AGFG1: variants seen among roughly 807,000 people sequenced by gnomAD.
The protein encoded by AGFG1 is ArfGAP with FG repeats 1, also known as arf-GAP domain and FG repeat-containing protein 1.
Under a neutral mutation model 60.6 loss-of-function variants are expected in AGFG1, and 10 were observed. The ratio of observed to expected loss-of-function variants is 0.16; its 90% CI spans 0.10 to 0.28. The LOEUF (loss-of-function observed/expected upper bound fraction) is 0.28, where lower values mean the gene tolerates loss of function less well. Ranked by LOEUF, AGFG1 falls within the 10% of genes least tolerant of loss-of-function variation. The pLI is 1.00. For missense variants in AGFG1, 537 were observed against 676.5 expected (o/e 0.79, Z 2.29); for synonymous variants, 247 against 242.9 (o/e 1.02, Z -0.16).
intron 6 of AGFG1, 68 bp downstream of exon 6, chr2:227,531,278 G>A: frequency 6.5e-7 from 1 of 1,535,340 alleles, no homozygotes. Context: ...ATGTAGTTTT[G>A]AAAAATTAGT....
intron 1 of AGFG1, among the ~76,000 whole-genome samples, chr2:227,482,105 T>C (rs1690488479): frequency 6.6e-6 from 1 of 152,154 alleles, no homozygotes; most frequent in Non-Finnish European, 1.5e-5. Context: ...GACCTCGTGA[T>C]CTGCCCGCTT....
chr2:227,513,562 AGT>A (rs1217574413), intron 2 of AGFG1, among the ~76,000 whole-genome samples: 1 of 152,172 alleles, frequency 6.6e-6, no homozygotes, highest in African/African-American at 2.4e-5. Context: ...GCCAATGGGT[AGT>A]GATATGCCCT....
intron 2 of AGFG1, among the ~76,000 whole-genome samples, chr2:227,514,150 C>T (rs546311294): frequency 6.6e-6 from 1 of 152,308 alleles, no homozygotes; most frequent in African/African-American, 2.4e-5. Context: ...TATTTCATCA[C>T]TCCATAGCCC....
intron 2 of AGFG1, among the ~76,000 whole-genome samples, chr2:227,497,986 C>T (rs1425940831): frequency 1.3e-5 from 2 of 151,896 alleles, no homozygotes; most frequent in South Asian, 2.1e-4. Flanking sequence ...CTTGGGGAAA[C>T]CACTTTTCCC....
chr2:227,473,501 T>C (rs932662887), intron 1 of AGFG1, among the ~76,000 whole-genome samples: 3 of 152,202 alleles, frequency 2.0e-5, no homozygotes, highest in African/African-American at 7.2e-5. Flanking sequence ...AGAAAGACAC[T>C]ACCGTCCTGA....
At chr2:227,529,071 CT>C (rs1692083086) in intron 5 of AGFG1, among the ~76,000 whole-genome samples, 1 of 151,842 alleles carries the variant, frequency 6.6e-6, no homozygotes, top group African/African-American at 2.4e-5. Context: ...CTTTATTTGA[CT>C]TTTGGTTTCA....
intron 2 of AGFG1, among the ~76,000 whole-genome samples, chr2:227,515,721 T>C (rs1389503502): frequency 6.6e-6 from 1 of 152,170 alleles, no homozygotes; most frequent in Non-Finnish European, 1.5e-5. Flanking sequence ...AAGTCTTCAG[T>C]GCTTCCTAGT....
At chr2:227,532,684 A>G (rs1363115244) in intron 6 of AGFG1, among the ~76,000 whole-genome samples, 1 of 152,156 alleles carries the variant, frequency 6.6e-6, no homozygotes, top group Non-Finnish European at 1.5e-5. Flanking sequence ...ACTTTAATAT[A>G]TAACTGTGTA....
At chr2:227,527,135 G>A (rs1333459315) in intron 5 of AGFG1, among the ~76,000 whole-genome samples, 2 of 152,252 alleles carry the variant, frequency 1.3e-5, no homozygotes, top group East Asian at 3.9e-4. Flanking sequence ...AAGAACCTGG[G>A]CTTTGGAGTT....
chr2:227,494,542 A>G (rs1170528339), intron 2 of AGFG1, among the ~76,000 whole-genome samples: 1 of 152,200 alleles, frequency 6.6e-6, no homozygotes, highest in Non-Finnish European at 1.5e-5. Context: ...GATCCCCACC[A>G]GGGAGTTTTA....
At chr2:227,552,211 AATACT>A in intron 11 of AGFG1, 94 bp downstream of exon 11, 1 of 1,424,846 alleles carries the variant, frequency 7.0e-7, no homozygotes, top group Non-Finnish European at 9.6e-7. Context: ...TTTTCTAAAG[AATACT>A]ATAGTATTAT....
At position 227,506,990 on chromosome 2, in the gene AGFG1, T is replaced by C. The variant is rs147699480; in HGVS notation, c.262-12958T>C. 6.0e-3 allele frequency among the ~76,000 whole-genome samples: 912 copies of C among 152,210 alleles called. 4 individuals are homozygous for C. The highest frequency in any genetic ancestry group is 9.1e-3 in the Non-Finnish European group (619 of 67,996). ...CCACTATTTCATAGGTTGTGTGGTG[T>C]TTTTTTAATCAAAAACCACTTTAAA... On this transcript the variant is annotated intron_variant, in intron 2 of 12. Transcript: ENST00000310078.
At chr2:227,545,391 C>T (rs568273610) in intron 10 of AGFG1, among the ~76,000 whole-genome samples, 3 of 152,316 alleles carry the variant, frequency 2.0e-5, no homozygotes, top group Non-Finnish European at 2.9e-5. Flanking sequence ...AGCTTCCTTG[C>T]GATAGGTTTG....
intron 10 of AGFG1, among the ~76,000 whole-genome samples, chr2:227,546,976 C>A (rs1226717148): frequency 1.3e-5 from 2 of 152,082 alleles, no homozygotes; most frequent in Admixed American, 1.3e-4. Context: ...AGGTGGAAAC[C>A]AATTTGCTAA....
chr2:227,473,095 G>C (rs1575053308), intron 1 of AGFG1, among the ~76,000 whole-genome samples: 2 of 148,064 alleles, frequency 1.4e-5, no homozygotes, highest in East Asian at 4.0e-4. Flanking sequence ...TCGGGGAGAA[G>C]CTGGGGTGGG....
In AGFG1 at chr2:227,559,541, T is replaced by C. The variant is rs1197069986; in HGVS notation, c.*5046T>C. Reference sequence around the variant, plus strand: ...TTGTCCAACACAGGGCTGTAGGGACTGATGAAAAGAGAATGTTGTGATTTG... The same window carrying C: ...TTGTCCAACACAGGGCTGTAGGGACCGATGAAAAGAGAATGTTGTGATTTG... On this transcript the variant is annotated 3_prime_UTR_variant, in exon 13 of 13. Coordinates refer to ENST00000310078, the MANE Select transcript of AGFG1 (RefSeq NM_004504.5). 1.3e-5 allele frequency: 2 copies of C among 152,152 alleles called. No homozygotes were observed. The highest frequency in any genetic ancestry group is 4.8e-5 in the African/African-American group (2 of 41,454). The allele number at this position is 152,152 out of a possible 1,614,324, so 9.4% of individuals were successfully genotyped here. A position where few individuals can be genotyped will look rare whatever the true frequency, so the allele number is the denominator to read the frequency against.
In AGFG1 at chr2:227,551,611, C is replaced by CA. The variant is rs1323680771; in HGVS notation, c.1379-343dup. Among the ~76,000 whole-genome samples the CA allele has an allele frequency of 3.3e-5, 5 of 151,936 alleles. No individual in the cohort carries two copies. The East Asian group carries it at 9.6e-4, about 29-fold the overall frequency. On this transcript the variant is annotated intron_variant, in intron 10 of 12. Transcript: ENST00000310078. ...GCATATAACAAAACAAAACTAAAAA[C>CA]AAAAATGTATACTAGTATACATATT... is the stretch of plus-strand genomic sequence containing the variant.
rs370239301 is a variant in AGFG1 at position 227,514,330 on chromosome 2, GC to G, written c.262-5616del. 7.1e-3 allele frequency among the ~76,000 whole-genome samples: 1,081 copies of G among 152,270 alleles called. 20 individuals are homozygous for G. Among genetic ancestry groups the G allele is most frequent in the African/African-American group, 0.025 (1,018 of 41,536 alleles). On this transcript the variant is annotated intron_variant, in intron 2 of 12. Coordinates refer to ENST00000310078, the MANE Select transcript of AGFG1 (RefSeq NM_004504.5). ...GGGCTCAAGCAATTCTCCTGCCTCAGCCTTCTGAGTAGCTGGAATTACAGGT... is the reference window on the plus strand; with the variant it reads ...GGGCTCAAGCAATTCTCCTGCCTCAGCTTCTGAGTAGCTGGAATTACAGGT...
intron 10 of AGFG1, among the ~76,000 whole-genome samples, chr2:227,550,531 T>C (rs563502759): frequency 5.3e-5 from 8 of 151,028 alleles, no homozygotes; most frequent in African/African-American, 7.2e-5. Flanking sequence ...CGTCGGTGCA[T>C]TGTCGTCTGT....
Sources: allele counts gnomAD v4.1 joint callset (sites outside exome capture counted in the v4.1 genomes callset), GRCh38; gene constraint gnomAD v4.1.1; transcripts MANE v1.5; gene names NCBI Gene and HGNC (gene_info 2026-07-23, HGNC 2026-07-21).